The following HNRNPUL1 variants were observed in gnomAD, a reference collection of about 807,000 sequenced individuals.
The protein encoded by HNRNPUL1 is heterogeneous nuclear ribonucleoprotein U like 1, also known as heterogeneous nuclear ribonucleoprotein U-like protein 1.
Under a neutral mutation model 108.5 loss-of-function variants are expected in HNRNPUL1, and 14 were observed. The ratio of observed to expected loss-of-function variants is 0.13; its 90% CI spans 0.09 to 0.20. The LOEUF (loss-of-function observed/expected upper bound fraction) is 0.20, where lower values mean the gene tolerates loss of function less well. Ranked by LOEUF, HNRNPUL1 falls within the 10% of genes least tolerant of loss-of-function variation. HNRNPUL1 has a pLI of 1.00. For synonymous variants in HNRNPUL1, 422 were observed against 445.2 expected, an observed-to-expected ratio of 0.95 and a Z score of 0.66; for missense variants, 804 against 1,168.3, an observed-to-expected ratio of 0.69 and a Z score of 4.55.
intron 2 of HNRNPUL1, among the ~76,000 whole-genome samples, chr19:41,269,071 CTG>C (rs1350756262): frequency 2.0e-5 from 3 of 151,888 alleles, no homozygotes; most frequent in East Asian, 1.9e-4. Context: ...TGTCTGGAAA[CTG>C]TAGCATGTGC....
intron 2 of HNRNPUL1, among the ~76,000 whole-genome samples, chr19:41,270,821 T>C (rs1343198456): frequency 2.0e-5 from 3 of 152,102 alleles, no homozygotes; most frequent in Admixed American, 6.6e-5. Context: ...GGTCTCAATC[T>C]CCTGACCTCA....
Position 41,304,011 on chromosome 19 carries a change from G to T in HNRNPUL1, c.2012G>T (p.Arg671Leu), listed in dbSNP as rs755085167. The T allele has an allele frequency of 3.1e-6, 5 of 1,613,954 alleles. No homozygotes were observed. The highest frequency in any genetic ancestry group is 4.2e-6 in the Non-Finnish European group (5 of 1,179,936). The stretch of plus-strand genomic sequence containing the variant: ...GGAGGTGGTGGCTATAGCCAGAACC[G>T]CTGGGGTAACAACAACCGGGATAAC... ...RSGGGGYSQN[R>L]WGNNNRDNNN... The change falls in exon 13 of 15, where the codon CGC (arginine) becomes CTC (leucine). Residue 671 changes from arginine to leucine, a missense_variant. By Grantham distance (102) the Arg-to-Leu change is moderately radical. Coordinates refer to ENST00000392006, the MANE Select transcript of HNRNPUL1 (RefSeq NM_007040.6).
At chr19:41,289,648 A>G (rs966519590) in intron 7 of HNRNPUL1, among the ~76,000 whole-genome samples, 9 of 150,696 alleles carry the variant, frequency 6.0e-5, no homozygotes, top group African/African-American at 2.2e-4. Flanking sequence ...GGAAGTTCCT[A>G]TAGTGAAGCT....
At chr19:41,290,577 T>A (rs948076852) in intron 7 of HNRNPUL1, among the ~76,000 whole-genome samples, 3 of 152,230 alleles carry the variant, frequency 2.0e-5, no homozygotes, top group East Asian at 1.9e-4. Flanking sequence ...TTTGCAGTGA[T>A]AGCTCACATT....
At chr19:41,284,055 T>C (rs545154917) in intron 7 of HNRNPUL1, among the ~76,000 whole-genome samples, 9 of 152,256 alleles carry the variant, frequency 5.9e-5, no homozygotes, top group African/African-American at 2.2e-4. Context: ...CAGTAAAAAG[T>C]GATCTCGCAA....
intron 7 of HNRNPUL1, among the ~76,000 whole-genome samples, chr19:41,282,339 C>T (rs1228828838): frequency 6.6e-6 from 1 of 152,122 alleles, no homozygotes; most frequent in African/African-American, 2.4e-5. Context: ...TGCACCACTA[C>T]ACCCAACTAA....
chr19:41,276,274 G>A lies in HNRNPUL1; in HGVS notation c.762G>A (p.Arg254=). The change falls in exon 5 of 15, where the codon AGG becomes AGA. Residue 254 remains arginine (R), a synonymous_variant. Transcript: ENST00000392006. ...CCCGTGCCAGCTATGGGGTCAGAAGGGGCCGTGTATGCTTCGAGATGAAGG... is the reference window on the plus strand; with the variant it reads ...CCCGTGCCAGCTATGGGGTCAGAAGAGGCCGTGTATGCTTCGAGATGAAGG... ...SGARASYGVR[R]GRVCFEMKIN... 6.2e-7 allele frequency: 1 copy of A among 1,610,336 alleles called. No homozygotes were observed. Among genetic ancestry groups the A allele is most frequent in the Non-Finnish European group, 8.5e-7 (1 of 1,177,108 alleles).
At chr19:41,277,540 CTTG>C (rs2035642281) in intron 5 of HNRNPUL1, among the ~76,000 whole-genome samples, 1 of 152,144 alleles carries the variant, frequency 6.6e-6, no homozygotes, top group African/African-American at 2.4e-5. Context: ...GAGTTTCACT[CTTG>C]TTGTCCAGGC....
At chr19:41,268,091 A>G (rs1437350113) in intron 1 of HNRNPUL1, 132 bp from the exon 2 acceptor site, 1 of 861,178 alleles carries the variant, frequency 1.2e-6, no homozygotes, top group Non-Finnish European at 1.8e-6. Context: ...TATGCATGCC[A>G]TGAATAGTTA....
At chr19:41,269,150 A>T (rs1448256936) in intron 2 of HNRNPUL1, among the ~76,000 whole-genome samples, 4 of 126,370 alleles carry the variant, frequency 3.2e-5, no homozygotes, top group Admixed American at 1.5e-4. Context: ...TCCAGAATTT[A>T]AAAAAAAAAA....
Position 41,302,510 on chromosome 19 carries a change from C to T in HNRNPUL1, c.1688-155C>T, listed in dbSNP as rs550530346. The stretch of plus-strand genomic sequence containing the variant: ...CTGGGATTACAGGCGTGAGCCACCG[C>T]GCCCGCCCTTCTGTCTATGTCTTTC... On this transcript the variant is annotated intron_variant, in intron 11 of 14. Coordinates refer to ENST00000392006, the MANE Select transcript of HNRNPUL1 (RefSeq NM_007040.6). 1.4e-4 allele frequency: 137 copies of T among 971,350 alleles called. No individual in the cohort carries two copies. In the African/African-American group the frequency reaches 1.8e-3, roughly 13 times the overall value. The allele number at this position is 971,350 out of a possible 1,614,324, so 60.2% of individuals were successfully genotyped here.
At chr19:41,289,044 C>T (rs1334326665) in intron 7 of HNRNPUL1, among the ~76,000 whole-genome samples, 3 of 152,184 alleles carry the variant, frequency 2.0e-5, no homozygotes, top group Non-Finnish European at 2.9e-5. Flanking sequence ...CAAGACTACA[C>T]TCCAAACAGG....
Position 41,306,710 on chromosome 19 carries a change from C to G in HNRNPUL1, c.*145C>G. On this transcript the variant is annotated 3_prime_UTR_variant, in exon 15 of 15. Transcript: ENST00000392006. ...GCCTCCCTCCAGCCCACTGCCTCCC[C>G]TCTGAGGGGCTTCCTTCCCCTCCAT... is the stretch of plus-strand genomic sequence containing the variant. 2.3e-6 allele frequency: 1 copy of G among 432,466 alleles called. No homozygotes were observed. The highest frequency in any genetic ancestry group is 4.1e-6 in the Non-Finnish European group (1 of 246,538). 26.8% of individuals were successfully genotyped at this position (432,466 alleles called of 1,614,324 possible). A position where few individuals can be genotyped will look rare whatever the true frequency, so the allele number is the denominator to read the frequency against.
intron 7 of HNRNPUL1, among the ~76,000 whole-genome samples, chr19:41,285,480 T>C (rs545943153): frequency 2.3e-4 from 35 of 152,260 alleles, no homozygotes; most frequent in Admixed American, 5.2e-4. Context: ...TCTGGGATTA[T>C]AGGCCGGAGA....
At chr19:41,268,118 C>A (rs544818884) in intron 1 of HNRNPUL1, 105 bp from the exon 2 acceptor site, 50 of 1,052,394 alleles carry the variant, frequency 4.8e-5, no homozygotes, top group Admixed American at 1.2e-4. Flanking sequence ...TTATTCTTAC[C>A]ACTCTTAGTT....
intron 1 of HNRNPUL1, chr19:41,265,207 C>A: frequency 6.7e-7 from 1 of 1,495,434 alleles, no homozygotes; most frequent in South Asian, 1.3e-5. Context: ...GCTAGCCCAG[C>A]GTGTGGGCTG....
intron 2 of HNRNPUL1, among the ~76,000 whole-genome samples, chr19:41,271,630 C>T (rs552247289): frequency 3.9e-5 from 6 of 152,156 alleles, no homozygotes; most frequent in South Asian, 2.1e-4. Flanking sequence ...GTCCACAGCA[C>T]GGTATCCCAT....
At chr19:41,293,393 C>T (rs189776744) in intron 8 of HNRNPUL1, among the ~76,000 whole-genome samples, 65 of 152,230 alleles carry the variant, frequency 4.3e-4, no homozygotes, top group African/African-American at 1.4e-3. Flanking sequence ...ATTTTGTGAG[C>T]TTTATCCCAT....
Position 41,305,453 on chromosome 19 carries a change from G to A in HNRNPUL1, c.2263-223G>A, listed in dbSNP as rs187243862. Among the ~76,000 whole-genome samples the A allele has an allele frequency of 3.3e-5, 5 of 152,316 alleles. No homozygotes were observed. The East Asian group carries it at 9.7e-4, about 29-fold the overall frequency. ...TGCTCCCTGGGGGTCTCAGAGCTGG[G>A]GTTAGAGTCCACATCACAGCCCTGG... On this transcript the variant is annotated intron_variant, in intron 13 of 14. Coordinates refer to ENST00000392006, the MANE Select transcript of HNRNPUL1 (RefSeq NM_007040.6).
Sources: gnomAD v4.1 joint callset for allele counts (sites outside exome capture counted in the v4.1 genomes callset) on GRCh38, gnomAD v4.1.1 for gene constraint, MANE v1.5 for transcripts, NCBI Gene and HGNC (gene_info 2026-07-23, HGNC 2026-07-21) for gene names.